NCAM2: variants seen among roughly 807,000 people sequenced by gnomAD.
The protein encoded by NCAM2 is neural cell adhesion molecule 2, also known as N-CAM-2.
Under a neutral mutation model 98.1 loss-of-function variants are expected in NCAM2, and 30 were observed. The observed-to-expected ratio is 0.31, with a 90% CI of 0.23 to 0.41. The LOEUF (loss-of-function observed/expected upper bound fraction) is 0.41, where lower values mean the gene tolerates loss of function less well. NCAM2 is among the 10% of genes least tolerant of loss of function. The pLI is 1.00. For synonymous variants in NCAM2, 368 were observed against 342.4 expected (o/e 1.07, Z -0.83); for missense variants, 867 against 1,005.8 (o/e 0.86, Z 1.87).
At chr21:21,139,787 TGA>T (rs2067129664) in intron 1 of NCAM2, among the ~76,000 whole-genome samples, 2 of 9,646 alleles carry the variant, frequency 2.1e-4, no homozygotes, top group South Asian at 0.091. Context: ...CATCAATGTA[TGA>T]ATAGTTCTAT....
chr21:21,488,229 G>T (rs535898148), intron 15 of NCAM2, among the ~76,000 whole-genome samples: 10 of 151,808 alleles, frequency 6.6e-5, no homozygotes, highest in Non-Finnish European at 1.2e-4. Context: ...GCATCCTAGT[G>T]CACATGTTAC....
intron 1 of NCAM2, among the ~76,000 whole-genome samples, chr21:21,100,369 A>G (rs1018888717): frequency 6.6e-6 from 1 of 151,950 alleles, no homozygotes; most frequent in African/African-American, 2.4e-5. Flanking sequence ...CAACCAGAGT[A>G]GATGTCAGTG....
chr21:21,308,093 A>C (rs2073940076), intron 5 of NCAM2, among the ~76,000 whole-genome samples: 1 of 145,208 alleles, frequency 6.9e-6, no homozygotes, highest in Admixed American at 7.0e-5. Flanking sequence ...ACACGTACAC[A>C]CACTATGTAT....
chr21:21,126,365 AT>A (rs1205762988), intron 1 of NCAM2, among the ~76,000 whole-genome samples: 1 of 151,100 alleles, frequency 6.6e-6, no homozygotes, highest in Non-Finnish European at 1.5e-5. Context: ...ATCCAAACAA[AT>A]TTTTTTTTGG....
At chr21:21,205,467 G>T (rs758768862) in intron 1 of NCAM2, among the ~76,000 whole-genome samples, 4 of 152,080 alleles carry the variant, frequency 2.6e-5, no homozygotes, top group Non-Finnish European at 5.9e-5. Context: ...TGTACATTAT[G>T]TGGCTTATAT....
intron 1 of NCAM2, among the ~76,000 whole-genome samples, chr21:21,105,099 C>A (rs2066318680): frequency 1.3e-5 from 2 of 151,818 alleles, no homozygotes; most frequent in East Asian, 1.9e-4. Flanking sequence ...AGATTTCTGA[C>A]CCTCAAAAAA....
intron 4 of NCAM2, among the ~76,000 whole-genome samples, chr21:21,288,140 A>G (rs1217632572): frequency 6.6e-6 from 1 of 151,702 alleles, no homozygotes; most frequent in Non-Finnish European, 1.5e-5. Context: ...CATAAAGACT[A>G]TGTACATGGT....
chr21:21,199,843 C>T (rs1237871738), intron 1 of NCAM2, among the ~76,000 whole-genome samples: 3 of 151,848 alleles, frequency 2.0e-5, no homozygotes, highest in Non-Finnish European at 2.9e-5. Flanking sequence ...TGTCACATCT[C>T]GTGTCTTCTG....
intron 1 of NCAM2, among the ~76,000 whole-genome samples, chr21:21,082,773 G>A (rs559701633): frequency 1.3e-5 from 2 of 152,114 alleles, no homozygotes; most frequent in South Asian, 2.1e-4. Flanking sequence ...CCATCTTTTT[G>A]TTCTAGCTGT....
In NCAM2 at chr21:21,514,486, A is replaced by C. The variant is rs866993044; in HGVS notation, c.2282+5431A>C. On this transcript the variant is annotated intron_variant, in intron 16 of 17. Transcript: ENST00000400546. Reference sequence around the variant, plus strand: ...GTCTCAAAAAACAAAAAAAAAAAAAAAAAAAAAAAAATGTTTTCTCTGGTG... The same window carrying C: ...GTCTCAAAAAACAAAAAAAAAAAAACAAAAAAAAAAATGTTTTCTCTGGTG... Among the ~76,000 whole-genome samples, 669 of 151,674 alleles carry C rather than the reference A, an allele frequency of 4.4e-3. 6 individuals are homozygous for C. Among genetic ancestry groups the C allele is most frequent in the African/African-American group, 0.015 (637 of 41,370 alleles).
intron 4 of NCAM2, 50 bp downstream of exon 4, chr21:21,286,462 T>A: frequency 4.6e-6 from 7 of 1,531,542 alleles, no homozygotes; most frequent in Non-Finnish European, 6.2e-6. Context: ...ACTATTGCAG[T>A]TTTTAAAAAT....
At chr21:21,042,978 C>T (rs1444213539) in intron 1 of NCAM2, among the ~76,000 whole-genome samples, 1 of 152,170 alleles carries the variant, frequency 6.6e-6, no homozygotes, top group East Asian at 1.9e-4. Context: ...GTAACATGTA[C>T]TGTCAATATA....
chr21:21,237,207 T>A (rs909468887), intron 1 of NCAM2, among the ~76,000 whole-genome samples: 2 of 152,134 alleles, frequency 1.3e-5, no homozygotes, highest in Admixed American at 6.5e-5. Context: ...TAGTCAGGCA[T>A]CCCATTTAGT....
intron 1 of NCAM2, among the ~76,000 whole-genome samples, chr21:21,191,551 G>C (rs544590856): frequency 2.6e-5 from 4 of 152,260 alleles, no homozygotes; most frequent in African/African-American, 9.6e-5. Flanking sequence ...ATACAAAACT[G>C]TGTGATATTT....
chr21:21,209,741 A>G (rs573274107), intron 1 of NCAM2, among the ~76,000 whole-genome samples: 1 of 152,334 alleles, frequency 6.6e-6, no homozygotes, highest in East Asian at 1.9e-4. Flanking sequence ...TGTTCTACAC[A>G]TAAGATGGAA....
At chr21:21,154,762 A>G (rs1036802665) in intron 1 of NCAM2, among the ~76,000 whole-genome samples, 1 of 151,908 alleles carries the variant, frequency 6.6e-6, no homozygotes, top group Non-Finnish European at 1.5e-5. Context: ...ATGCATGTGT[A>G]GGATACTCTG....
intron 1 of NCAM2, among the ~76,000 whole-genome samples, chr21:21,196,322 AT>A (rs774264325): frequency 1.3e-5 from 2 of 152,092 alleles, no homozygotes; most frequent in Non-Finnish European, 2.9e-5. Flanking sequence ...AGGACTGACC[AT>A]TTCTTCCCAA....
intron 4 of NCAM2, among the ~76,000 whole-genome samples, chr21:21,288,013 C>A (rs998711016): frequency 6.6e-6 from 1 of 151,758 alleles, no homozygotes; most frequent in East Asian, 1.9e-4. Context: ...CCCACAGATA[C>A]CAAAATAAGC....
Position 21,537,757 on chromosome 21 carries a change from T to A in NCAM2, c.2403-89T>A, listed in dbSNP as rs188858041. 5.8e-5 allele frequency: 34 copies of A among 581,534 alleles called. No homozygotes were observed. In the African/African-American group the frequency reaches 5.9e-4, roughly 10 times the overall value. 36.0% of individuals were successfully genotyped at this position (581,534 alleles called of 1,614,324 possible). On this transcript the variant is annotated intron_variant, in intron 17 of 17. Transcript: ENST00000400546. ...AAAATGTTAGCATATTATTGGAGCA[T>A]ATTTTCCTTACAAAACAGTAACTTA...
Sources: gnomAD v4.1 joint callset for allele counts (sites outside exome capture counted in the v4.1 genomes callset) on GRCh38, gnomAD v4.1.1 for gene constraint, MANE v1.5 for transcripts, NCBI Gene and HGNC (gene_info 2026-07-23, HGNC 2026-07-21) for gene names.